CCNY: variants seen among roughly 807,000 people sequenced by gnomAD.
The protein encoded by CCNY is cyclin-Y.
A neutral mutation model predicts 42.8 loss-of-function variants in CCNY; 19 were observed. The observed-to-expected ratio is 0.44, with a 90% confidence interval of 0.31 to 0.65. The LOEUF (loss-of-function observed/expected upper bound fraction) is 0.65, where lower values mean the gene tolerates loss of function less well. CCNY is among the 30% of genes least tolerant of loss of function. The pLI, the probability that CCNY is intolerant of heterozygous loss-of-function variation, is 0.07. For synonymous variants in CCNY, 165 were observed against 162.7 expected, an observed-to-expected ratio of 1.01 and a Z score of -0.11; for missense variants, 370 against 437.3, an observed-to-expected ratio of 0.85 and a Z score of 1.37.
chr10:35,493,601 T>C (rs1839946442), intron 2 of CCNY, among the ~76,000 whole-genome samples: 1 of 152,202 alleles, frequency 6.6e-6, no homozygotes, highest in Non-Finnish European at 1.5e-5. Flanking sequence ...GTTAATGCCT[T>C]GGAATGATTG....
At chr10:35,381,404 AC>A (rs1837180782) in intron 1 of CCNY, among the ~76,000 whole-genome samples, 1 of 152,038 alleles carries the variant, frequency 6.6e-6, no homozygotes, top group Admixed American at 6.6e-5. Context: ...TACTAAAAAT[AC>A]AAAAAATTAT....
At chr10:35,356,991 C>G (rs944611062) in intron 1 of CCNY, among the ~76,000 whole-genome samples, 1 of 152,120 alleles carries the variant, frequency 6.6e-6, no homozygotes. Context: ...ACAAGGGCCT[C>G]CCAGTGTTTT....
At chr10:35,532,922 T>TA (rs1356582639) in intron 7 of CCNY, among the ~76,000 whole-genome samples, 3 of 152,188 alleles carry the variant, frequency 2.0e-5, no homozygotes, top group Non-Finnish European at 2.9e-5. Context: ...CAGAAGGAGA[T>TA]ATATTGGAAG....
chr10:35,549,098 A>AC (rs1262659685), intron 7 of CCNY, among the ~76,000 whole-genome samples: 144 of 42,900 alleles, frequency 3.4e-3, no homozygotes, highest in African/African-American at 8.9e-3. Context: ...CTCACCACCC[A>AC]CCCCACCCCC....
chr10:35,569,490 G>A lies in CCNY; in HGVS notation c.*320G>A, dbSNP rs1293727826. The A allele has an allele frequency of 8.1e-6, 3 of 369,636 alleles. No individual in the cohort carries two copies. Among genetic ancestry groups the A allele is most frequent in the African/African-American group, 6.2e-5 (3 of 48,704 alleles). 22.9% of individuals were successfully genotyped at this position (369,636 alleles called of 1,614,324 possible). A position where few individuals can be genotyped will look rare whatever the true frequency, so the allele number is the denominator to read the frequency against. On this transcript the variant is annotated 3_prime_UTR_variant, in exon 10 of 10. Coordinates refer to ENST00000374704, the MANE Select transcript of CCNY (RefSeq NM_145012.6). ...AAATGGTTAAGCAGCCCGGCCCTCT[G>A]GAGTCCCCATGGGGGCGGTAGCTGA...
At position 35,311,984 on chromosome 10, in the gene CCNY, T is replaced by TA. The variant is rs1554775441; in HGVS notation, c.-9+61366dup. On this transcript the variant is annotated intron_variant, in intron 3 of 11. Coordinates refer to the CCNY transcript ENST00000374706. ...CTGGGCAACAGAGCAAGACTCTGTC[T>TA]AAAAAAAATTTTTTTGTTTGGTTCC... 7.9e-5 allele frequency among the ~76,000 whole-genome samples: 12 copies of TA among 151,844 alleles called. No individual in the cohort carries two copies. In the South Asian group the frequency reaches 2.5e-3, roughly 32 times the overall value.
intron 1 of CCNY, among the ~76,000 whole-genome samples, chr10:35,421,933 A>G (rs558071755): frequency 9.2e-5 from 14 of 152,260 alleles, no homozygotes; most frequent in African/African-American, 3.4e-4. Context: ...TCTTAGGTGG[A>G]TACTCATCTC....
chr10:35,435,010 AGG>A (rs1838497295), intron 1 of CCNY, among the ~76,000 whole-genome samples: 1 of 152,148 alleles, frequency 6.6e-6, no homozygotes, highest in African/African-American at 2.4e-5. Context: ...TGAAGAAGGC[AGG>A]GGGCGAGGAG....
chr10:35,275,543 C>T (rs1281444622), intron 3 of CCNY, among the ~76,000 whole-genome samples: 2 of 151,614 alleles, frequency 1.3e-5, no homozygotes, highest in African/African-American at 4.8e-5. Context: ...GCAGGCTGAT[C>T]ACGAGGTCAG....
intron 3 of CCNY, 142 bp downstream of exon 3, chr10:35,501,677 G>C: frequency 1.4e-6 from 1 of 726,704 alleles, no homozygotes; most frequent in Non-Finnish European, 2.4e-6. Context: ...GCTTAGTTTG[G>C]TTTGTAATTG....
At chr10:35,465,367 C>T (rs969235738) in intron 1 of CCNY, among the ~76,000 whole-genome samples, 1 of 152,058 alleles carries the variant, frequency 6.6e-6, no homozygotes, top group Admixed American at 6.5e-5. Context: ...CCAGTGAGGT[C>T]GTCACGTATA....
intron 1 of CCNY, among the ~76,000 whole-genome samples, chr10:35,473,399 GTTC>G (rs1001645282): frequency 9.9e-5 from 15 of 152,260 alleles, no homozygotes; most frequent in East Asian, 5.8e-4. Flanking sequence ...AATTTTATAA[GTTC>G]TTCTTCTTCT....
At chr10:35,262,016 C>T (rs1170631299) in intron 3 of CCNY, among the ~76,000 whole-genome samples, 2 of 151,138 alleles carry the variant, frequency 1.3e-5, no homozygotes, top group African/African-American at 2.4e-5. Flanking sequence ...AGTGAAACTT[C>T]ATCTCAAAAA....
intron 3 of CCNY, among the ~76,000 whole-genome samples, chr10:35,280,210 C>T (rs1047373753): frequency 2.6e-5 from 4 of 152,022 alleles, no homozygotes; most frequent in African/African-American, 9.7e-5. Flanking sequence ...GCCTTTAGTC[C>T]CAGCTACTCA....
At chr10:35,483,704 A>G (rs982124106) in intron 2 of CCNY, among the ~76,000 whole-genome samples, 2 of 152,158 alleles carry the variant, frequency 1.3e-5, no homozygotes, top group South Asian at 2.1e-4. Context: ...AATCAGCTAT[A>G]TTATTTCTAC....
At chr10:35,291,065 G>A (rs967456148) in intron 3 of CCNY, among the ~76,000 whole-genome samples, 4 of 151,736 alleles carry the variant, frequency 2.6e-5, no homozygotes, top group Non-Finnish European at 4.4e-5. Context: ...GAGTGCAATG[G>A]TGCAATCTCG....
intron 3 of CCNY, among the ~76,000 whole-genome samples, chr10:35,258,617 C>A (rs1383783348): frequency 6.6e-6 from 1 of 152,148 alleles, no homozygotes; most frequent in South Asian, 2.1e-4. Flanking sequence ...TCTTTGCCGA[C>A]CCTGGCTCCT....
intron 7 of CCNY, among the ~76,000 whole-genome samples, chr10:35,551,360 A>C (rs138949897): frequency 9.1e-4 from 138 of 152,322 alleles, no homozygotes; most frequent in African/African-American, 3.1e-3. Flanking sequence ...ATTTAACTGA[A>C]AATAATCTGT....
chr10:35,410,659 A>T (rs575775887), intron 1 of CCNY, among the ~76,000 whole-genome samples: 3 of 152,358 alleles, frequency 2.0e-5, no homozygotes, highest in East Asian at 3.9e-4. Flanking sequence ...AGAGCTAACT[A>T]ACTAAAAGCA....
Sources: gnomAD v4.1 joint callset for allele counts (sites outside exome capture counted in the v4.1 genomes callset) on GRCh38, gnomAD v4.1.1 for gene constraint, MANE v1.5 for transcripts, NCBI Gene and HGNC (gene_info 2026-07-23, HGNC 2026-07-21) for gene names.